KCTD1: variants seen among roughly 807,000 people sequenced by gnomAD.
The protein encoded by KCTD1 is potassium channel tetramerization domain containing 1.
In KCTD1, 24 loss-of-function variants were observed where a neutral mutation model predicts 66.0. That is an observed-to-expected ratio of 0.36 (90% CI 0.26 to 0.51). The LOEUF (loss-of-function observed/expected upper bound fraction) is 0.51, where lower values mean the gene tolerates loss of function less well. KCTD1 is among the 20% of genes least tolerant of loss of function. The probability of loss-of-function intolerance (pLI) is 0.95; values close to 1 mark genes in which losing one functional copy is unlikely to be tolerated. For synonymous variants in KCTD1, 511 were observed against 517.2 expected (o/e 0.99, Z 0.16); for missense variants, 943 against 1,205.2 (o/e 0.78, Z 3.22).
At chr18:26,613,982 G>T (rs772397076) in intron 1 of KCTD1, among the ~76,000 whole-genome samples, 4 of 152,118 alleles carry the variant, frequency 2.6e-5, no homozygotes, top group Non-Finnish European at 4.4e-5. Flanking sequence ...ACAGAGCGTT[G>T]CAGCCCCACC....
chr18:26,482,521 T>C (rs1404393094), intron 2 of KCTD1, among the ~76,000 whole-genome samples: 2 of 152,208 alleles, frequency 1.3e-5, no homozygotes, highest in Non-Finnish European at 2.9e-5. Flanking sequence ...TCCCTACACT[T>C]AATCCTGAAA....
intron 2 of KCTD1, among the ~76,000 whole-genome samples, chr18:26,486,979 TTTACTTAGAGACTAGGTAAA>T (rs1981950858): frequency 6.6e-6 from 1 of 152,208 alleles, no homozygotes; most frequent in Non-Finnish European, 1.5e-5. Flanking sequence ...ATAGACGTAA[TTTACTTAGAGACTAGGTAAA>T]TACATTTTGG....
At chr18:26,544,034 A>T (rs1985097047) in intron 1 of KCTD1, 1 of 152,232 alleles carries the variant, frequency 6.6e-6, no homozygotes, top group African/African-American at 2.4e-5. Flanking sequence ...TACAGTGGTA[A>T]GCAGTTTAAA....
chr18:26,598,282 C>T (rs1399064446), intron 1 of KCTD1, among the ~76,000 whole-genome samples: 2 of 152,124 alleles, frequency 1.3e-5, no homozygotes, highest in Non-Finnish European at 2.9e-5. Context: ...TGTATCAGAA[C>T]TTCATTTGTT....
intron 2 of KCTD1, among the ~76,000 whole-genome samples, chr18:26,487,767 C>T (rs903144602): frequency 5.3e-5 from 8 of 152,202 alleles, no homozygotes; most frequent in African/African-American, 1.9e-4. Flanking sequence ...CCTAGACGCC[C>T]CAAGCCAGTC....
intron 1 of KCTD1, among the ~76,000 whole-genome samples, chr18:26,628,696 C>T (rs536545461): frequency 6.6e-6 from 1 of 151,924 alleles, no homozygotes; most frequent in East Asian, 1.9e-4. Context: ...AAAAAATATA[C>T]CTTTAGGCTG....
chr18:26,612,403 G>A (rs1052493015), intron 1 of KCTD1, among the ~76,000 whole-genome samples: 5 of 152,046 alleles, frequency 3.3e-5, no homozygotes, highest in African/African-American at 1.2e-4. Context: ...TTGGAAACAG[G>A]GTCTTTATTG....
At chr18:26,652,197 C>CT (rs1342668786) in intron 1 of KCTD1, among the ~76,000 whole-genome samples, 2 of 152,172 alleles carry the variant, frequency 1.3e-5, no homozygotes, top group Non-Finnish European at 2.9e-5. Context: ...TGGACATACT[C>CT]TTATTTTTCC....
chr18:26,467,763 C>T (rs939545012), intron 3 of KCTD1, among the ~76,000 whole-genome samples: 16 of 148,458 alleles, frequency 1.1e-4, no homozygotes, highest in Non-Finnish European at 1.8e-4. Context: ...TGCAGTGAGC[C>T]GAGATTGCAC....
At chr18:26,596,264 A>G (rs1986763064) in intron 1 of KCTD1, among the ~76,000 whole-genome samples, 1 of 151,968 alleles carries the variant, frequency 6.6e-6, no homozygotes, top group African/African-American at 2.4e-5. Context: ...TATACCAGAA[A>G]GCTCTCTCTC....
Position 26,465,223 on chromosome 18 carries a change from A to C in KCTD1, c.2134-5298T>G, listed in dbSNP as rs181499450. Among the ~76,000 whole-genome samples the C allele has an allele frequency of 2.9e-4, 44 of 152,212 alleles. No homozygotes were observed. In the East Asian group the frequency reaches 7.0e-3, roughly 24 times the overall value. On this transcript the variant is annotated intron_variant, in intron 3 of 4. Coordinates refer to ENST00000580059, the MANE Select transcript of KCTD1 (RefSeq NM_001142730.3). ...CTCAGCCTCCAGAGTAGCTGGGACT[A>C]CAGGTGCCCGCCACCATGCCCGGCT...
chr18:26,622,648 T>A (rs958921401), intron 1 of KCTD1, among the ~76,000 whole-genome samples: 1 of 152,074 alleles, frequency 6.6e-6, no homozygotes, highest in Non-Finnish European at 1.5e-5. Context: ...AACGTGAATA[T>A]GCATATGAGA....
intron 1 of KCTD1, among the ~76,000 whole-genome samples, chr18:26,532,012 A>G (rs751235346): frequency 1.4e-4 from 22 of 152,060 alleles, no homozygotes; most frequent in Non-Finnish European, 2.8e-4. Context: ...CTATCTGGAG[A>G]GTGGTAGTTG....
At chr18:26,587,377 A>G (rs750803649) in intron 1 of KCTD1, among the ~76,000 whole-genome samples, 1 of 152,244 alleles carries the variant, frequency 6.6e-6, no homozygotes, top group African/African-American at 2.4e-5. Context: ...GCTCATTGAC[A>G]ATGCACCTAG....
intron 1 of KCTD1, among the ~76,000 whole-genome samples, chr18:26,569,336 A>G (rs1567996653): frequency 1.3e-5 from 2 of 152,174 alleles, no homozygotes; most frequent in Non-Finnish European, 2.9e-5. Context: ...GCTGCCACCT[A>G]AAAATTGCAG....
chr18:26,455,707 T>TGTG lies in KCTD1; in HGVS notation c.*33_*35dup. ...CCTTTTTTGTTTGAGTTATTGGTTG[T>TGTG]GTGTGTTTTCCTTTTTGCATAAGAA... On this transcript the variant is annotated 3_prime_UTR_variant, in exon 5 of 5. Transcript: ENST00000580059. The TGTG allele has an allele frequency of 1.2e-6, 2 of 1,613,722 alleles. No individual in the cohort carries two copies. The highest frequency in any genetic ancestry group is 1.7e-6 in the Non-Finnish European group (2 of 1,179,876).
intron 3 of KCTD1, among the ~76,000 whole-genome samples, chr18:26,475,933 T>C (rs1407413084): frequency 6.6e-6 from 1 of 152,224 alleles, no homozygotes; most frequent in Non-Finnish European, 1.5e-5. Flanking sequence ...TAAGTTCTAA[T>C]AGCATTAAGT....
At chr18:26,514,477 G>T (rs1983532500) in intron 1 of KCTD1, among the ~76,000 whole-genome samples, 1 of 150,566 alleles carries the variant, frequency 6.6e-6, no homozygotes, top group Non-Finnish European at 1.5e-5. Flanking sequence ...GTAAGCCCAG[G>T]AGTTTGAGGC....
chr18:26,604,266 AT>A (rs2144976756), intron 1 of KCTD1, among the ~76,000 whole-genome samples: 1 of 152,298 alleles, frequency 6.6e-6, no homozygotes, highest in East Asian at 1.9e-4. Flanking sequence ...AAAATAACAG[AT>A]TCTGGCAAGG....
Sources: allele counts gnomAD v4.1 joint callset (sites outside exome capture counted in the v4.1 genomes callset), GRCh38; gene constraint gnomAD v4.1.1; transcripts MANE v1.5; gene names NCBI Gene and HGNC (gene_info 2026-07-23, HGNC 2026-07-21).